The following GRK3 variants were observed in gnomAD, a reference collection of about 807,000 sequenced individuals.
The protein encoded by GRK3 is G protein-coupled receptor kinase 3, also known as adrenergic, beta, receptor kinase 2.
In GRK3, 54 loss-of-function variants were observed where a neutral mutation model predicts 95.7. The observed-to-expected ratio is 0.56, with a 90% CI of 0.45 to 0.71. The LOEUF is 0.71. Ranked by LOEUF, GRK3 falls within the 30% of genes least tolerant of loss-of-function variation. The pLI is 0.00. For synonymous variants in GRK3, 281 were observed against 290.8 expected (o/e 0.97, Z 0.34); for missense variants, 649 against 851.2 (o/e 0.76, Z 2.96).
intron 15 of GRK3, among the ~76,000 whole-genome samples, chr22:25,705,351 A>G (rs1193054562): frequency 6.6e-6 from 1 of 152,152 alleles, no homozygotes; most frequent in South Asian, 2.1e-4. Context: ...TGACATTCCT[A>G]TCTTTCATTG....
At chr22:25,629,975 T>C (rs193058604) in intron 2 of GRK3, among the ~76,000 whole-genome samples, 2 of 152,090 alleles carry the variant, frequency 1.3e-5, no homozygotes, top group East Asian at 3.9e-4. Flanking sequence ...CCAATTAGAG[T>C]ACAATTGCAT....
chr22:25,646,171 G>A (rs1166636206), intron 3 of GRK3, among the ~76,000 whole-genome samples: 4 of 151,928 alleles, frequency 2.6e-5, no homozygotes, highest in Non-Finnish European at 5.9e-5. Context: ...CATAAATAAG[G>A]CAATAAAAGC....
intron 3 of GRK3, among the ~76,000 whole-genome samples, chr22:25,660,553 C>A (rs898261461): frequency 6.6e-6 from 1 of 152,146 alleles, no homozygotes; most frequent in Admixed American, 6.5e-5. Context: ...TTTCACGTAC[C>A]CTTTTTCCCT....
chr22:25,716,043 G>C (rs1376755504), intron 18 of GRK3, among the ~76,000 whole-genome samples: 1 of 152,124 alleles, frequency 6.6e-6, no homozygotes, highest in Admixed American at 6.5e-5. Flanking sequence ...TTGGAGTGCA[G>C]TGGCGCGATC....
intron 1 of GRK3, among the ~76,000 whole-genome samples, chr22:25,566,896 A>AT (rs1931508936): frequency 2.7e-5 from 4 of 146,986 alleles, no homozygotes; most frequent in African/African-American, 7.7e-5. Context: ...ACTCATGGGC[A>AT]GTTTTTTTTT....
At chr22:25,587,751 G>A (rs543220793) in intron 1 of GRK3, among the ~76,000 whole-genome samples, 12 of 152,046 alleles carry the variant, frequency 7.9e-5, no homozygotes, top group Admixed American at 5.9e-4. Context: ...CACTGTTCTC[G>A]TGGCAGTGAG....
At chr22:25,716,714 A>T (rs1187606857) in intron 18 of GRK3, among the ~76,000 whole-genome samples, 1 of 152,240 alleles carries the variant, frequency 6.6e-6, no homozygotes. Context: ...GAGAAAACCA[A>T]TAAGAATAAC....
chr22:25,676,515 C>A (rs1387185968), intron 8 of GRK3, among the ~76,000 whole-genome samples: 1 of 152,010 alleles, frequency 6.6e-6, no homozygotes, highest in African/African-American at 2.4e-5. Flanking sequence ...CACAGTGAAA[C>A]CCTGTCACTA....
chr22:25,592,356 CTTTA>C (rs1194686682), intron 1 of GRK3, among the ~76,000 whole-genome samples: 1 of 152,130 alleles, frequency 6.6e-6, no homozygotes, highest in Non-Finnish European at 1.5e-5. Flanking sequence ...TTTAAAGCGT[CTTTA>C]TTTATGTTGG....
In GRK3 at chr22:25,726,912, C is replaced by CGTGTGTTT. The variant is rs2085478399; in HGVS notation, c.*4468_*4469insTTGTGTGT. Reference sequence around the variant, plus strand: ...TTACCAGGCCATCTCCAAAACACCCCGTGTGTGTGTGTGTGTGTGTGTGTG... The same window carrying CGTGTGTTT: ...TTACCAGGCCATCTCCAAAACACCCCGTGTGTTTGTGTGTGTGTGTGTGTGTGTGTGTG... On this transcript the variant is annotated 3_prime_UTR_variant, in exon 21 of 21. Transcript: ENST00000324198. 7.3e-6 allele frequency: 1 copy of CGTGTGTTT among 137,896 alleles called. No homozygotes were observed. The highest frequency in any genetic ancestry group is 2.3e-4 in the East Asian group (1 of 4,414). The allele number at this position is 137,896 out of a possible 1,614,324, so 8.5% of individuals were successfully genotyped here.
intron 2 of GRK3, among the ~76,000 whole-genome samples, chr22:25,642,671 T>C (rs2084751854): frequency 6.6e-6 from 1 of 152,168 alleles, no homozygotes; most frequent in Non-Finnish European, 1.5e-5. Context: ...CCTATGTCCA[T>C]GTGTACCCAT....
chr22:25,627,728 G>A (rs925620452), intron 2 of GRK3, among the ~76,000 whole-genome samples: 1 of 152,222 alleles, frequency 6.6e-6, no homozygotes, highest in Non-Finnish European at 1.5e-5. Flanking sequence ...AGACAAATGA[G>A]GAACCAGCTG....
chr22:25,576,699 G>A (rs554199021), intron 1 of GRK3, among the ~76,000 whole-genome samples: 5 of 152,254 alleles, frequency 3.3e-5, no homozygotes, highest in South Asian at 2.1e-4. Context: ...CAAATTCAGC[G>A]TATTTTCAGA....
At chr22:25,573,482 GCTGCCATTGCTGA>G (rs1458442831) in intron 1 of GRK3, among the ~76,000 whole-genome samples, 1 of 152,152 alleles carries the variant, frequency 6.6e-6, no homozygotes, top group African/African-American at 2.4e-5. Context: ...TATGACAACA[GCTGCCATTGCTGA>G]CTGCTAAGTA....
At chr22:25,578,665 G>T (rs983669016) in intron 1 of GRK3, among the ~76,000 whole-genome samples, 4 of 152,126 alleles carry the variant, frequency 2.6e-5, no homozygotes, top group African/African-American at 9.7e-5. Flanking sequence ...ACCAACCACT[G>T]CTGGCCTTTT....
intron 2 of GRK3, among the ~76,000 whole-genome samples, chr22:25,609,026 T>C (rs1322024518): frequency 6.6e-6 from 1 of 152,230 alleles, no homozygotes; most frequent in African/African-American, 2.4e-5. Context: ...TAAGAAATAT[T>C]AAGTTGATCC....
intron 1 of GRK3, among the ~76,000 whole-genome samples, chr22:25,603,809 C>A (rs1329860340): frequency 2.0e-5 from 3 of 152,134 alleles, no homozygotes; most frequent in Non-Finnish European, 2.9e-5. Context: ...TTTTTCCCAT[C>A]AAGTTCTTGC....
chr22:25,565,211 T>A (rs1316692551), intron 1 of GRK3, 58 bp downstream of exon 1: 1 of 877,962 alleles, frequency 1.1e-6, no homozygotes, highest in Non-Finnish European at 1.7e-6. Flanking sequence ...GGCCGCCAGC[T>A]ACCCCCTGCT....
At chr22:25,710,282 A>G (rs1171982983) in intron 16 of GRK3, among the ~76,000 whole-genome samples, 2 of 152,202 alleles carry the variant, frequency 1.3e-5, no homozygotes, top group African/African-American at 4.8e-5. Flanking sequence ...ATGCACATAT[A>G]ATTGAGCCTT....
Sources: gnomAD v4.1 joint callset for allele counts (sites outside exome capture counted in the v4.1 genomes callset) on GRCh38, gnomAD v4.1.1 for gene constraint, MANE v1.5 for transcripts, NCBI Gene and HGNC (gene_info 2026-07-23, HGNC 2026-07-21) for gene names.